The following NOTCH2 variants were observed in gnomAD, a reference collection of about 807,000 sequenced individuals.
The protein encoded by NOTCH2 is notch receptor 2, also known as neurogenic locus notch homolog protein 2.
In NOTCH2, 29 loss-of-function variants were observed where a neutral mutation model predicts 235.8. That is an observed-to-expected ratio of 0.12 (90% confidence interval 0.09 to 0.17). The LOEUF is 0.17. Ranked by LOEUF, NOTCH2 falls within the 10% of genes least tolerant of loss-of-function variation. The pLI, the probability that NOTCH2 is intolerant of heterozygous loss-of-function variation, is 1.00. For synonymous variants in NOTCH2, 1,086 were observed against 1,141.5 expected (o/e 0.95, Z 0.98); for missense variants, 2,285 against 3,150.2 (o/e 0.73, Z 6.57).
At position 119,948,426 on chromosome 1, in the gene NOTCH2, C is replaced by A; in HGVS notation, c.2740G>T (p.Asp914Tyr). The A allele has an allele frequency of 6.2e-7, 1 of 1,614,182 alleles. No individual in the cohort carries two copies. The highest frequency in any genetic ancestry group is 1.1e-5 in the South Asian group (1 of 91,076). ...SGMDCEEDID[D>Y]CLANPCQNGG... ...CTGGCATACTCACTGGCAAGGCAGTCATCAATGTCCTCCTCACAGTCCATA... is the reference window on the plus strand; with the variant it reads ...CTGGCATACTCACTGGCAAGGCAGTAATCAATGTCCTCCTCACAGTCCATA... The change falls in exon 17 of 34, where the codon GAC becomes TAC. Residue 914 changes from aspartate (D) to tyrosine (Y), a missense_variant. Around this residue, in one of 6 missense-constraint regions of NOTCH2, gnomAD observed 1,173 missense variants for 1,515.3 expected, o/e 0.77. Coordinates refer to ENST00000256646, the MANE Select transcript of NOTCH2 (RefSeq NM_024408.4).
intron 1 of NOTCH2, among the ~76,000 whole-genome samples, chr1:120,037,950 AC>A (rs1654378904): frequency 6.6e-6 from 1 of 152,146 alleles, no homozygotes; most frequent in Non-Finnish European, 1.5e-5. Flanking sequence ...GACTTTTCAT[AC>A]TATAAAAAAA....
chr1:120,004,624 CA>C (rs1480589555), intron 3 of NOTCH2, among the ~76,000 whole-genome samples: 12 of 151,376 alleles, frequency 7.9e-5, no homozygotes, highest in Non-Finnish European at 1.8e-4. Flanking sequence ...GCAAAAGGAA[CA>C]GGGTTCAGAA....
chr1:119,941,872 AT>A, intron 17 of NOTCH2, 118 bp from the exon 18 acceptor site: 1 of 826,192 alleles, frequency 1.2e-6, no homozygotes, highest in Middle Eastern at 2.4e-4. Flanking sequence ...TGACTTTTTC[AT>A]TCAATTTTGC....
Position 119,922,225 on chromosome 1 carries a change from A to G in NOTCH2, c.5213+11T>C. ...TACTGTGAATAGTGGCTTATTGGCA[A>G]TGCCTCTTACTTCAGCCCCACAGCA... On this transcript the variant is annotated intron_variant, in intron 28 of 33. Coordinates refer to ENST00000256646, the MANE Select transcript of NOTCH2 (RefSeq NM_024408.4). 1.2e-6 allele frequency: 2 copies of G among 1,613,214 alleles called. No homozygotes were observed. Among genetic ancestry groups the G allele is most frequent in the Non-Finnish European group, 1.7e-6 (2 of 1,179,586 alleles).
At position 119,997,922 on chromosome 1, in the gene NOTCH2, C is replaced by G. The variant is rs587612708; in HGVS notation, c.416-590G>C. Among the ~76,000 whole-genome samples, 65 of 143,100 alleles carry G rather than the reference C, an allele frequency of 4.5e-4. 3 individuals are homozygous for G. Among genetic ancestry groups the G allele is most frequent in the African/African-American group, 1.7e-3 (63 of 36,116 alleles). The allele number at this position is 143,100 out of a possible 152,430, so 93.9% of individuals were successfully genotyped here. A position where few individuals can be genotyped will look rare whatever the true frequency, so the allele number is the denominator to read the frequency against. On this transcript the variant is annotated intron_variant, in intron 3 of 33. Transcript: ENST00000256646. Reference sequence around the variant, plus strand: ...CCAGGAGGCGGAGGTTGCAGTGAGCCGAGATTGTACCACTGCACTCCAGCC... The same window carrying G: ...CCAGGAGGCGGAGGTTGCAGTGAGCGGAGATTGTACCACTGCACTCCAGCC...
In NOTCH2 at chr1:119,960,347, G is replaced by A. The variant is rs587732519; in HGVS notation, c.1916-845C>T. 1.4e-4 allele frequency among the ~76,000 whole-genome samples: 22 copies of A among 151,936 alleles called. No homozygotes were observed. In the East Asian group the frequency reaches 4.1e-3, roughly 28 times the overall value. On this transcript the variant is annotated intron_variant, in intron 11 of 33. Transcript: ENST00000256646. ...ATCTTGAGTCTAGTAACTTCCTCCT[G>A]AGGTAAGCTGCCTTATTTTTGCTCT...
At chr1:120,028,644 C>T (rs1309782323) in intron 2 of NOTCH2, among the ~76,000 whole-genome samples, 1 of 136,594 alleles carries the variant, frequency 7.3e-6, no homozygotes, top group African/African-American at 2.8e-5. Flanking sequence ...CATTAAAAAA[C>T]TAAATCCTGG....
rs782581707 is a variant in NOTCH2 at position 119,963,817 on chromosome 1, G to A, written c.1682-10C>T. On this transcript the variant is annotated splice_polypyrimidine_tract_variant and intron_variant, in intron 10 of 33. Coordinates refer to ENST00000256646, the MANE Select transcript of NOTCH2 (RefSeq NM_024408.4). ...AACACACCAGTGAAACCTTTGGAAA[G>A]AATTTTATCAAGGATTCTCAAAGAC... 6.2e-7 allele frequency: 1 copy of A among 1,610,256 alleles called. No homozygotes were observed. The highest frequency in any genetic ancestry group is 8.5e-7 in the Non-Finnish European group (1 of 1,176,514).
intron 19 of NOTCH2, among the ~76,000 whole-genome samples, chr1:119,939,508 A>C (rs1253503645): frequency 1.3e-5 from 2 of 152,214 alleles, no homozygotes; most frequent in Admixed American, 6.5e-5. Flanking sequence ...TATGGGTAAA[A>C]GGACTTAATG....
chr1:119,926,437 T>G, intron 24 of NOTCH2, 62 bp downstream of exon 24: 1 of 1,238,584 alleles, frequency 8.1e-7, no homozygotes, highest in Non-Finnish European at 1.2e-6. Context: ...TAATCTCAGT[T>G]CTGTTCACAG....
intron 1 of NOTCH2, among the ~76,000 whole-genome samples, chr1:120,063,642 G>A (rs1172282040): frequency 6.6e-6 from 1 of 152,124 alleles, no homozygotes; most frequent in Non-Finnish European, 1.5e-5. Context: ...GGGGAAAAAT[G>A]ACCACAGGAT....
intron 22 of NOTCH2, among the ~76,000 whole-genome samples, chr1:119,929,877 T>A (rs2101170739): frequency 1.3e-5 from 2 of 152,384 alleles, no homozygotes; most frequent in African/African-American, 4.8e-5. Flanking sequence ...CCTTTCATAG[T>A]AAATGCCCTA....
At position 119,996,940 on chromosome 1, in the gene NOTCH2, C is replaced by T. The variant is rs1652480883; in HGVS notation, c.751+57G>A. The T allele has an allele frequency of 1.9e-6, 3 of 1,583,772 alleles. No homozygotes were observed. In the South Asian group the frequency reaches 3.4e-5, roughly 18 times the overall value. On this transcript the variant is annotated intron_variant, in intron 4 of 33. Transcript: ENST00000256646. The stretch of plus-strand genomic sequence containing the variant: ...AAAAACAGCAATTGAGCCACACCCA[C>T]TACCTCCTGTGCTAGGGGTTTGTCC...
At position 119,959,521 on chromosome 1, in the gene NOTCH2, C is replaced by T. The variant is rs372575402; in HGVS notation, c.1916-19G>A. 50 of 1,305,802 alleles carry T rather than the reference C, an allele frequency of 3.8e-5. No homozygotes were observed. The highest frequency in any genetic ancestry group is 2.5e-4 in the South Asian group (21 of 85,034). 80.9% of individuals were successfully genotyped at this position (1,305,802 alleles called of 1,614,324 possible). On this transcript the variant is annotated intron_variant, in intron 11 of 33. Transcript: ENST00000256646. ...TTAACCCCTGGAAGAGAAAACCCAA[C>T]GGAAACCATTCAATGTTACCACAGA...
chr1:119,970,197 T>C (rs372960139), intron 5 of NOTCH2, among the ~76,000 whole-genome samples: 2 of 152,236 alleles, frequency 1.3e-5, no homozygotes, highest in African/African-American at 2.4e-5. Flanking sequence ...TGTAATATTA[T>C]GCAACAGTTC....
chr1:120,015,148 A>G (rs587628609), intron 2 of NOTCH2, among the ~76,000 whole-genome samples: 37 of 152,272 alleles, frequency 2.4e-4, no homozygotes, highest in African/African-American at 8.9e-4. Flanking sequence ...ACTATACAGA[A>G]TGTGGAACGA....
chr1:119,945,943 A>G (rs1433812920), intron 17 of NOTCH2, among the ~76,000 whole-genome samples: 3 of 152,086 alleles, frequency 2.0e-5, no homozygotes, highest in African/African-American at 7.2e-5. Context: ...TGCAAAACAG[A>G]CATTCTTCCC....
At chr1:119,931,764 T>C (rs1287729987) in intron 22 of NOTCH2, among the ~76,000 whole-genome samples, 1 of 151,838 alleles carries the variant, frequency 6.6e-6, no homozygotes, top group Non-Finnish European at 1.5e-5. Context: ...TTCTTTACGA[T>C]CTTCAAGTGT....
At chr1:119,979,977 G>A (rs587704549) in intron 5 of NOTCH2, among the ~76,000 whole-genome samples, 2 of 152,066 alleles carry the variant, frequency 1.3e-5, no homozygotes, top group East Asian at 1.9e-4. Context: ...TCACACCATG[G>A]TCTGTCGTTC....
Sources: allele counts gnomAD v4.1 joint callset (sites outside exome capture counted in the v4.1 genomes callset), GRCh38; gene constraint gnomAD v4.1.1; regional missense constraint gnomAD v4.1.1; transcripts MANE v1.5; gene names NCBI Gene and HGNC (gene_info 2026-07-23, HGNC 2026-07-21).